Variants in HS3ST4 observed in about 807,000 individuals in gnomAD.
HS3ST4 encodes the protein heparan sulfate glucosamine 3-O-sulfotransferase 4.
HS3ST4 carries 17 observed loss-of-function variants against 29.2 expected under a neutral mutation model. The ratio of observed to expected loss-of-function variants is 0.58; its 90% CI spans 0.40 to 0.87. The LOEUF is 0.87. Ranked by LOEUF, HS3ST4 falls within the 40% of genes least tolerant of loss-of-function variation. HS3ST4 has a pLI of 0.00. For synonymous variants in HS3ST4, 314 were observed against 285.7 expected (o/e 1.10, Z -1.00); for missense variants, 627 against 634.5 (o/e 0.99, Z 0.13).
chr16:25,738,578 C>A (rs1966628489), intron 1 of HS3ST4, among the ~76,000 whole-genome samples: 1 of 152,162 alleles, frequency 6.6e-6, no homozygotes, highest in African/African-American at 2.4e-5. Context: ...GAATGTCCCA[C>A]AATGCTCAGG....
chr16:25,742,318 A>G (rs1431015146), intron 1 of HS3ST4, among the ~76,000 whole-genome samples: 2 of 152,156 alleles, frequency 1.3e-5, no homozygotes, highest in East Asian at 3.9e-4. Context: ...CTGGGTGGTA[A>G]AGAGAAGCCT....
At chr16:26,135,474 A>G (rs1276738690) in intron 1 of HS3ST4, 138 bp from the exon 2 acceptor site, 1 of 820,188 alleles carries the variant, frequency 1.2e-6, no homozygotes, top group African/African-American at 1.7e-5. Flanking sequence ...AGATATAGGT[A>G]AGAAGAACTT....
intron 1 of HS3ST4, among the ~76,000 whole-genome samples, chr16:25,768,440 A>G (rs1302853718): frequency 1.3e-5 from 2 of 152,028 alleles, no homozygotes; most frequent in Admixed American, 1.3e-4. Flanking sequence ...TGGTGAACAG[A>G]CACACAGATG....
rs542206162 is a variant in HS3ST4, at chr16:25,989,398, C to T, written c.735-146214C>T. 8.3e-4 allele frequency among the ~76,000 whole-genome samples: 127 copies of T among 152,308 alleles called. 1 individual carries two copies. The highest frequency in any genetic ancestry group is 2.9e-3 in the African/African-American group (122 of 41,562). Reference sequence around the variant, plus strand: ...TAATATGAGTGATCTGGGGACACCACTGCGGTGACATACATGGGAAGACCT... The same window carrying T: ...TAATATGAGTGATCTGGGGACACCATTGCGGTGACATACATGGGAAGACCT... On this transcript the variant is annotated intron_variant, in intron 1 of 1. Coordinates refer to ENST00000331351, the MANE Select transcript of HS3ST4 (RefSeq NM_006040.3).
intron 1 of HS3ST4, among the ~76,000 whole-genome samples, chr16:25,853,986 G>T (rs903526708): frequency 6.6e-6 from 1 of 152,176 alleles, no homozygotes; most frequent in African/African-American, 2.4e-5. Context: ...ACTTATCATT[G>T]TTGAGAGGTA....
At chr16:26,062,355 T>G (rs1443775840) in intron 1 of HS3ST4, among the ~76,000 whole-genome samples, 1 of 152,224 alleles carries the variant, frequency 6.6e-6, no homozygotes, top group African/African-American at 2.4e-5. Context: ...TTGTCAACAG[T>G]GCTTGGCACT....
intron 1 of HS3ST4, among the ~76,000 whole-genome samples, chr16:25,950,094 C>G (rs1968668298): frequency 6.6e-6 from 1 of 152,114 alleles, no homozygotes; most frequent in South Asian, 2.1e-4. Context: ...GACATCTATT[C>G]CCTGACCTAA....
chr16:25,746,005 A>C (rs1373441809), intron 1 of HS3ST4, among the ~76,000 whole-genome samples: 1 of 152,178 alleles, frequency 6.6e-6, no homozygotes, highest in East Asian at 1.9e-4. Context: ...TCCAGATCTT[A>C]GCATAGATTT....
intron 1 of HS3ST4, among the ~76,000 whole-genome samples, chr16:25,758,494 G>A (rs2141605060): frequency 6.6e-6 from 1 of 152,270 alleles, no homozygotes; most frequent in South Asian, 2.1e-4. Flanking sequence ...GGGTGTAACT[G>A]TCTGGGGCCT....
chr16:25,738,393 C>T (rs1352574929), intron 1 of HS3ST4, among the ~76,000 whole-genome samples: 1 of 152,216 alleles, frequency 6.6e-6, no homozygotes, highest in Non-Finnish European at 1.5e-5. Flanking sequence ...ATAGTCCAAT[C>T]TTGTTTCTAA....
chr16:25,955,207 G>A (rs140579858), intron 1 of HS3ST4, among the ~76,000 whole-genome samples: 34 of 152,132 alleles, frequency 2.2e-4, no homozygotes, highest in Non-Finnish European at 4.4e-5. Flanking sequence ...TGGACCTCTG[G>A]TGCAGTGGTA....
rs1968890789 is a variant in HS3ST4, at chr16:25,970,881, C to T, written c.735-164731C>T. Among the ~76,000 whole-genome samples, 3 of 152,084 alleles carry T rather than the reference C, an allele frequency of 2.0e-5. No homozygotes were observed. The South Asian group carries it at 6.2e-4, about 32-fold the overall frequency. On this transcript the variant is annotated intron_variant, in intron 1 of 1. Transcript: ENST00000331351. The stretch of plus-strand genomic sequence containing the variant: ...TCTTTCTTTTTTTGAGATGGAGTCT[C>T]ACTCTGTCGCTCAGGCTGGAGTGCA...
intron 1 of HS3ST4, among the ~76,000 whole-genome samples, chr16:25,769,198 G>C (rs1464321755): frequency 6.6e-6 from 1 of 152,118 alleles, no homozygotes; most frequent in African/African-American, 2.4e-5. Flanking sequence ...GCTACCTCAA[G>C]ATTTGTTGGG....
intron 1 of HS3ST4, among the ~76,000 whole-genome samples, chr16:26,120,558 G>A (rs1468228429): frequency 6.6e-6 from 1 of 152,208 alleles, no homozygotes; most frequent in African/African-American, 2.4e-5. Context: ...CTAAATTTCA[G>A]TTGTAGCTAA....
chr16:25,886,239 G>T (rs563062206), intron 1 of HS3ST4, among the ~76,000 whole-genome samples: 5 of 152,070 alleles, frequency 3.3e-5, no homozygotes, highest in African/African-American at 1.2e-4. Flanking sequence ...CACCATGTTG[G>T]CCGGGCTGGT....
intron 1 of HS3ST4, among the ~76,000 whole-genome samples, chr16:25,976,967 T>C (rs1040929172): frequency 2.0e-5 from 3 of 152,176 alleles, no homozygotes; most frequent in Non-Finnish European, 2.9e-5. Flanking sequence ...ATGTTTAAAC[T>C]ATTTAATAAT....
chr16:25,948,211 G>A (rs549158389), intron 1 of HS3ST4, among the ~76,000 whole-genome samples: 1 of 152,198 alleles, frequency 6.6e-6, no homozygotes, highest in Non-Finnish European at 1.5e-5. Context: ...ACCTGATTCT[G>A]AGGCAACAGC....
chr16:25,966,658 G>A (rs942812704), intron 1 of HS3ST4, among the ~76,000 whole-genome samples: 1 of 151,708 alleles, frequency 6.6e-6, no homozygotes, highest in African/African-American at 2.4e-5. Context: ...ACTTTGAGTG[G>A]TGGTGAGAAT....
At chr16:26,084,916 G>T (rs777147083) in intron 1 of HS3ST4, among the ~76,000 whole-genome samples, 1 of 152,100 alleles carries the variant, frequency 6.6e-6, no homozygotes, top group Non-Finnish European at 1.5e-5. Flanking sequence ...GGCCCCTAAG[G>T]GTTGGAATTT....
Sources: allele counts gnomAD v4.1 joint callset (sites outside exome capture counted in the v4.1 genomes callset), GRCh38; gene constraint gnomAD v4.1.1; transcripts MANE v1.5; gene names NCBI Gene and HGNC (gene_info 2026-07-23, HGNC 2026-07-21).